CACNA2D3: variants seen among roughly 807,000 people sequenced by gnomAD.
CACNA2D3 encodes calcium voltage-gated channel auxiliary subunit alpha2delta 3.
Under a neutral mutation model 160.6 loss-of-function variants are expected in CACNA2D3, and 60 were observed. The ratio of observed to expected loss-of-function variants is 0.37; its 90% CI spans 0.30 to 0.46. The LOEUF (loss-of-function observed/expected upper bound fraction) is 0.46, where lower values mean the gene tolerates loss of function less well. Ranked by LOEUF, CACNA2D3 falls within the 20% of genes least tolerant of loss-of-function variation. The pLI is 1.00. For synonymous variants in CACNA2D3, 558 were observed against 492.9 expected, an observed-to-expected ratio of 1.13 and a Z score of -1.75; for missense variants, 1,205 against 1,365.0, an observed-to-expected ratio of 0.88 and a Z score of 1.85.
intron 14 of CACNA2D3, among the ~76,000 whole-genome samples, chr3:54,832,011 T>TCAGA (rs373556430): frequency 1.7e-5 from 2 of 118,954 alleles, no homozygotes; most frequent in African/African-American, 3.3e-5. Context: ...CTCTTCTCTG[T>TCAGA]CACACACACA....
At chr3:54,995,339 A>T (rs1347221603) in intron 31 of CACNA2D3, among the ~76,000 whole-genome samples, 1 of 152,212 alleles carries the variant, frequency 6.6e-6, no homozygotes, top group Non-Finnish European at 1.5e-5. Context: ...GCCACAAATA[A>T]CAGGAAAATC....
At chr3:54,766,579 TCTTA>T (rs548098209) in intron 13 of CACNA2D3, among the ~76,000 whole-genome samples, 275 of 152,324 alleles carry the variant, frequency 1.8e-3, no homozygotes, top group African/African-American at 6.4e-3. Context: ...GATCCAGCAA[TCTTA>T]CTTCTAAGAA....
chr3:54,192,174 C>T (rs1013567645), intron 2 of CACNA2D3, among the ~76,000 whole-genome samples: 2 of 151,610 alleles, frequency 1.3e-5, no homozygotes, highest in Non-Finnish European at 1.5e-5. Context: ...GTGGGTGGTC[C>T]TTCATCCTCC....
intron 2 of CACNA2D3, among the ~76,000 whole-genome samples, chr3:54,303,609 G>A (rs1041082609): frequency 1.3e-5 from 2 of 152,146 alleles, no homozygotes; most frequent in Non-Finnish European, 1.5e-5. Flanking sequence ...ACCTCACCCA[G>A]GGTGTTAACT....
chr3:54,514,004 T>C (rs1206674213), intron 5 of CACNA2D3, among the ~76,000 whole-genome samples: 2 of 152,246 alleles, frequency 1.3e-5, no homozygotes, highest in Admixed American at 1.3e-4. Context: ...ACTTTATATG[T>C]GCGGCAAATG....
chr3:54,796,683 G>A (rs957185870), intron 13 of CACNA2D3, among the ~76,000 whole-genome samples: 1 of 152,200 alleles, frequency 6.6e-6, no homozygotes, highest in African/African-American at 2.4e-5. Flanking sequence ...GCATCTCACA[G>A]AGGACTGTCT....
intron 5 of CACNA2D3, among the ~76,000 whole-genome samples, chr3:54,530,924 GT>G (rs1159386674): frequency 5.3e-5 from 8 of 152,194 alleles, no homozygotes; most frequent in African/African-American, 1.4e-4. Flanking sequence ...CGGCCTAGCT[GT>G]TTCTCAGGGC....
chr3:54,246,462 G>A (rs1257370261), intron 2 of CACNA2D3, among the ~76,000 whole-genome samples: 1 of 152,204 alleles, frequency 6.6e-6, no homozygotes, highest in Non-Finnish European at 1.5e-5. Context: ...GGAGGCCAAG[G>A]TGGGTGGATC....
At chr3:54,292,689 G>A (rs932617145) in intron 2 of CACNA2D3, among the ~76,000 whole-genome samples, 1 of 152,194 alleles carries the variant, frequency 6.6e-6, no homozygotes, top group African/African-American at 2.4e-5. Flanking sequence ...GTGTTGGCAA[G>A]GATGTGGAGG....
At chr3:54,322,988 T>C (rs59369555) in intron 3 of CACNA2D3, among the ~76,000 whole-genome samples, 13,427 of 152,312 alleles carry the variant, frequency 0.088, 649 homozygotes, top group Middle Eastern at 0.14. Flanking sequence ...TTACGCTTGA[T>C]GCTCGAGCCT....
intron 13 of CACNA2D3, among the ~76,000 whole-genome samples, chr3:54,806,541 A>G (rs1358121437): frequency 6.6e-6 from 1 of 151,790 alleles, no homozygotes; most frequent in East Asian, 1.9e-4. Context: ...CCACTGCTCA[A>G]TGAAATAAAA....
intron 35 of CACNA2D3, among the ~76,000 whole-genome samples, chr3:55,052,049 C>G (rs906902068): frequency 6.6e-6 from 1 of 152,152 alleles, no homozygotes; most frequent in African/African-American, 2.4e-5. Flanking sequence ...ATGGAAATGC[C>G]GAAATGACTG....
intron 12 of CACNA2D3, 47 bp from the exon 13 acceptor site, chr3:54,764,171 G>A (rs1352747581): frequency 1.9e-6 from 3 of 1,608,520 alleles, no homozygotes; most frequent in African/African-American, 1.3e-5. Flanking sequence ...CCAGTTGCAA[G>A]TCTTTCTGTC....
intron 5 of CACNA2D3, among the ~76,000 whole-genome samples, chr3:54,515,459 C>T (rs963932740): frequency 6.6e-5 from 10 of 152,288 alleles, no homozygotes; most frequent in African/African-American, 9.6e-5. Flanking sequence ...AAAGGAAATA[C>T]GCCTGCATGT....
intron 13 of CACNA2D3, among the ~76,000 whole-genome samples, chr3:54,783,939 G>A (rs2107134515): frequency 6.6e-6 from 1 of 152,300 alleles, no homozygotes; most frequent in Admixed American, 6.5e-5. Flanking sequence ...TGTTATCACA[G>A]CAAATACTGT....
chr3:54,763,687 G>A (rs1279405957), intron 12 of CACNA2D3, among the ~76,000 whole-genome samples: 2 of 136,732 alleles, frequency 1.5e-5, no homozygotes, highest in Admixed American at 7.3e-5. Context: ...GTATATATGT[G>A]TGTATATATG....
At chr3:54,230,570 C>G (rs1249937097) in intron 2 of CACNA2D3, among the ~76,000 whole-genome samples, 1 of 152,146 alleles carries the variant, frequency 6.6e-6, no homozygotes, top group Admixed American at 6.5e-5. Context: ...ACAGGGGATT[C>G]TAAAGGCAAA....
At chr3:54,303,818 G>GTTTTTTTT (rs71617795) in intron 2 of CACNA2D3, among the ~76,000 whole-genome samples, 56 of 115,014 alleles carry the variant, frequency 4.9e-4, no homozygotes, top group African/African-American at 1.4e-3. Context: ...CTTTTTTTCT[G>GTTTTTTTT]TTTTTTTTTT....
chr3:54,955,359 G>C (rs559003149), intron 27 of CACNA2D3, among the ~76,000 whole-genome samples: 13 of 152,204 alleles, frequency 8.5e-5, no homozygotes, highest in African/African-American at 3.1e-4. Context: ...GTCTGGGCTG[G>C]TGATGACTCC....
Sources: gnomAD v4.1 joint callset for allele counts (sites outside exome capture counted in the v4.1 genomes callset) on GRCh38, gnomAD v4.1.1 for gene constraint, MANE v1.5 for transcripts, NCBI Gene and HGNC (gene_info 2026-07-23, HGNC 2026-07-21) for gene names.